FNDC9: variants seen among roughly 807,000 people sequenced by gnomAD.
FNDC9 encodes the protein fibronectin type III domain-containing protein 9.
Under a neutral mutation model 9.0 loss-of-function variants are expected in FNDC9, and 3 were observed. That is an observed-to-expected ratio of 0.33 (90% CI 0.15 to 0.86). The LOEUF is 0.86. Among genes scored for constraint, FNDC9 ranks in the 40% least tolerant of loss-of-function variants. The pLI is 0.53. For missense variants in FNDC9, 279 were observed against 287.2 expected (o/e 0.97, Z 0.21); for synonymous variants, 114 against 115.6 (o/e 0.99, Z 0.09).
intron 1 of FNDC9, chr5:157,345,263 C>T (rs940651837): frequency 6.6e-6 from 1 of 152,306 alleles, no homozygotes; most frequent in Non-Finnish European, 1.5e-5. Context: ...AATCCTGTTT[C>T]TTGTCACGCA....
rs1298227990 is a variant in FNDC9 at position 157,342,304 on chromosome 5, TTAATAA to T, written c.*552_*557del. 11 of 152,690 alleles carry T rather than the reference TTAATAA, an allele frequency of 7.2e-5. No homozygotes were observed. The highest frequency in any genetic ancestry group is 2.7e-4 in the African/African-American group (11 of 41,444). 9.5% of individuals were successfully genotyped at this position (152,690 alleles called of 1,614,324 possible). A position where few individuals can be genotyped will look rare whatever the true frequency, so the allele number is the denominator to read the frequency against. ...TGAGTCAATTTAAAGGAAAGTATTATTAATAATAGTGAAGATAATCCATGGTTTTAA... is the reference window on the plus strand; with the variant it reads ...TGAGTCAATTTAAAGGAAAGTATTATTAGTGAAGATAATCCATGGTTTTAA... On this transcript the variant is annotated 3_prime_UTR_variant, in exon 2 of 2. Transcript: ENST00000312349.
Position 157,342,856 on chromosome 5 carries a change from C to T in FNDC9, c.*6G>A. On this transcript the variant is annotated 3_prime_UTR_variant, in exon 2 of 2. Transcript: ENST00000312349. ...CTACATGATGCGGGCGCTCTCCTCCCCACTCTCATTCCCCACAATGAGGCA... is the reference window on the plus strand; with the variant it reads ...CTACATGATGCGGGCGCTCTCCTCCTCACTCTCATTCCCCACAATGAGGCA... 6.2e-7 allele frequency: 1 copy of T among 1,606,340 alleles called. No homozygotes were observed. The highest frequency in any genetic ancestry group is 8.5e-7 in the Non-Finnish European group (1 of 1,175,604).
At position 157,342,547 on chromosome 5, in the gene FNDC9, C is replaced by T; in HGVS notation, c.*315G>A. ...CCTTCAAGTGCTGTGTTTTATTTGTCATGCAAATTTTTGCTTTCTACTTTA... is the reference window on the plus strand; with the variant it reads ...CCTTCAAGTGCTGTGTTTTATTTGTTATGCAAATTTTTGCTTTCTACTTTA... On this transcript the variant is annotated 3_prime_UTR_variant, in exon 2 of 2. Coordinates refer to ENST00000312349, the MANE Select transcript of FNDC9 (RefSeq NM_001001343.4). 1 of 232,984 alleles carries T rather than the reference C, an allele frequency of 4.3e-6. No individual in the cohort carries two copies. The allele number at this position is 232,984 out of a possible 1,614,324, so 14.4% of individuals were successfully genotyped here. A position where few individuals can be genotyped will look rare whatever the true frequency, so the allele number is the denominator to read the frequency against.
Position 157,342,383 on chromosome 5 carries a change from C to G in FNDC9, c.*479G>C, listed in dbSNP as rs1474804395. On this transcript the variant is annotated 3_prime_UTR_variant, in exon 2 of 2. Coordinates refer to ENST00000312349, the MANE Select transcript of FNDC9 (RefSeq NM_001001343.4). ...GATTGCCTAAAAGTTGGAAAACACT[C>G]CAGAGCAAGGGTTCTCACAAATTAT... 2 of 153,506 alleles carry G rather than the reference C, an allele frequency of 1.3e-5. No homozygotes were observed. The highest frequency in any genetic ancestry group is 2.9e-5 in the Non-Finnish European group (2 of 68,854). 9.5% of individuals were successfully genotyped at this position (153,506 alleles called of 1,614,324 possible). A position where few individuals can be genotyped will look rare whatever the true frequency, so the allele number is the denominator to read the frequency against.
In FNDC9 at chr5:157,343,031, C is replaced by A; in HGVS notation, c.506G>T (p.Gly169Val). Reference protein sequence around the residue: ...VRWPEEAPDLGQREEDLQGLP... With the variant: ...VRWPEEAPDLVQREEDLQGLP... ...CCCCTGCAGGTCTTCCTCCCTCTGACCAAGATCCGGGGCCTCCTCTGGCCA... is the reference window on the plus strand; with the variant it reads ...CCCCTGCAGGTCTTCCTCCCTCTGAACAAGATCCGGGGCCTCCTCTGGCCA... The change falls in exon 2 of 2, where the codon GGT becomes GTT. Residue 169 changes from glycine to valine, a missense_variant. Coordinates refer to ENST00000312349, the MANE Select transcript of FNDC9 (RefSeq NM_001001343.4). 6.2e-7 allele frequency: 1 copy of A among 1,614,224 alleles called. No individual in the cohort carries two copies. Among genetic ancestry groups the A allele is most frequent in the Non-Finnish European group, 8.5e-7 (1 of 1,180,024 alleles).
chr5:157,342,808 C>T lies in FNDC9; in HGVS notation c.*54G>A, dbSNP rs559170564. The T allele has an allele frequency of 2.8e-3, 4,238 of 1,518,874 alleles. 25 individuals carry two copies. Among genetic ancestry groups the T allele is most frequent in the Non-Finnish European group, 2.4e-3 (2,690 of 1,124,404 alleles). The allele number at this position is 1,518,874 out of a possible 1,614,324, so 94.1% of individuals were successfully genotyped here. A position where few individuals can be genotyped will look rare whatever the true frequency, so the allele number is the denominator to read the frequency against. ...TCTATAGACACATTTGTACAAACGA[C>T]CTACTGTGTGGAAAGCTTTAGGCTA... is the stretch of plus-strand genomic sequence containing the variant. On this transcript the variant is annotated 3_prime_UTR_variant, in exon 2 of 2. Coordinates refer to ENST00000312349, the MANE Select transcript of FNDC9 (RefSeq NM_001001343.4).
Position 157,342,862 on chromosome 5 carries a change from T to C in FNDC9, c.675A>G (p.Ter225TrpextTer12), listed in dbSNP as rs1296398378. The C allele has an allele frequency of 6.2e-7, 1 of 1,608,890 alleles. No individual in the cohort carries two copies. The highest frequency in any genetic ancestry group is 8.5e-7 in the Non-Finnish European group (1 of 1,177,008). The change falls in exon 2 of 2, where the codon TGA (stop) becomes TGG (tryptophan). Residue 225 changes from the stop codon to tryptophan, a stop_lost. Transcript: ENST00000312349. The stretch of plus-strand genomic sequence containing the variant: ...GATGCGGGCGCTCTCCTCCCCACTC[T>C]CATTCCCCACAATGAGGCAGTATAG... Reference protein sequence around the residue: ...PPAILPHCGE* With the variant: ...PPAILPHCGEW
chr5:157,343,014 G>A lies in FNDC9; in HGVS notation c.523C>T (p.Leu175=). 6.2e-7 allele frequency: 1 copy of A among 1,614,200 alleles called. No individual in the cohort carries two copies. The highest frequency in any genetic ancestry group is 1.1e-5 in the South Asian group (1 of 91,084). ...APDLGQREED[L]QGLPLVEMPR... The stretch of plus-strand genomic sequence containing the variant: ...ATTTCCACCAGGGGGAGCCCCTGCA[G>A]GTCTTCCTCCCTCTGACCAAGATCC... The change falls in exon 2 of 2, where the codon CTG becomes TTG. Residue 175 remains leucine (L), a synonymous_variant. Transcript: ENST00000312349.
chr5:157,342,435 A>G lies in FNDC9; in HGVS notation c.*427T>C, dbSNP rs1292036456. On this transcript the variant is annotated 3_prime_UTR_variant, in exon 2 of 2. Transcript: ENST00000312349. ...TCCAAATAATCCCAAATTATTTCCA[A>G]ATAATCCCCTCAAGGGCAGAGGAAA... is the stretch of plus-strand genomic sequence containing the variant. 6.4e-6 allele frequency: 1 copy of G among 156,982 alleles called. No individual in the cohort carries two copies. 9.7% of individuals were successfully genotyped at this position (156,982 alleles called of 1,614,324 possible).
rs143712105 is a variant in FNDC9, at chr5:157,344,162, G to A, written c.-7-619C>T. 4.2e-3 allele frequency among the ~76,000 whole-genome samples: 634 copies of A among 152,110 alleles called. 3 individuals are homozygous for A. The highest frequency in any genetic ancestry group is 6.9e-3 in the Non-Finnish European group (467 of 67,986). ...GTTTGTTTGTTTTTTCAAAGCCAGCGGTACCAGGAAATTTATTTTATGGGT... is the reference window on the plus strand; with the variant it reads ...GTTTGTTTGTTTTTTCAAAGCCAGCAGTACCAGGAAATTTATTTTATGGGT... On this transcript the variant is annotated intron_variant, in intron 1 of 1. Transcript: ENST00000312349.
chr5:157,343,140 G>A lies in FNDC9; in HGVS notation c.397C>T (p.Leu133Phe), dbSNP rs1762412242. 6.2e-7 allele frequency: 1 copy of A among 1,614,220 alleles called. No individual in the cohort carries two copies. The highest frequency in any genetic ancestry group is 8.5e-7 in the Non-Finnish European group (1 of 1,180,032). The change falls in exon 2 of 2, where the codon CTC becomes TTC. Residue 133 changes from leucine (L) to phenylalanine (F), a missense_variant. Leu to Phe is a conservative substitution (Grantham distance 22). Transcript: ENST00000312349. ...TGGCAACGGACACACCAGAACTGGA[G>A]GCAGATGAAGGCCAAGACGGCTGTG... ...CFTAVLAFIC[L>F]QFWCVRCHEP...
In FNDC9 at chr5:157,342,961, A is replaced by C. The variant is rs144111305; in HGVS notation, c.576T>G (p.Ala192=). 630 of 1,614,208 alleles carry C rather than the reference A, an allele frequency of 3.9e-4. No homozygotes were observed. The African/African-American group carries it at 7.6e-3, about 19-fold the overall frequency. Residue 192 remains alanine, a synonymous_variant, in exon 2 of 2, where the codon GCT becomes GCG. Transcript: ENST00000312349. ...EMPRKNSRDG[A]ELDPEANQDA... ...CCTGGTTGGCTTCGGGATCCAGTTC[A>C]GCTCCATCTCTGGAGTTCTTGCGTG...
In FNDC9 at chr5:157,342,931, G is replaced by GGCAT. The variant is rs773424810; in HGVS notation, c.602_605dup (p.Pro203CysfsTer3). On this transcript the variant is annotated frameshift_variant, in exon 2 of 2. Coordinates refer to ENST00000312349, the MANE Select transcript of FNDC9 (RefSeq NM_001001343.4). LOFTEE classifies it low-confidence loss of function (END_TRUNC). ...CCCTCTGTAAGGCACCCGCATCAGG[G>GGCAT]GCATCCTGGTTGGCTTCGGGATCCA... is the stretch of plus-strand genomic sequence containing the variant. The GGCAT allele has an allele frequency of 6.2e-6, 10 of 1,614,090 alleles. No individual in the cohort carries two copies. The highest frequency in any genetic ancestry group is 7.6e-6 in the Non-Finnish European group (9 of 1,180,042).
In FNDC9 at chr5:157,343,432, G is replaced by C. The variant is rs553969639; in HGVS notation, c.105C>G (p.Asn35Lys). Residue 35 changes from asparagine to lysine, a missense_variant, in exon 2 of 2, where the codon AAC becomes AAG. Coordinates refer to ENST00000312349, the MANE Select transcript of FNDC9 (RefSeq NM_001001343.4). ...EDYYHIMYRP[N>K]WNSIFSGYLR... ...GATAGCCAGAGAAGATGCTGTTCCAGTTGGGCCTGTACATAATATGGTAAT... is the reference window on the plus strand; with the variant it reads ...GATAGCCAGAGAAGATGCTGTTCCACTTGGGCCTGTACATAATATGGTAAT... 6.2e-7 allele frequency: 1 copy of C among 1,614,062 alleles called. No individual in the cohort carries two copies. The highest frequency in any genetic ancestry group is 8.5e-7 in the Non-Finnish European group (1 of 1,180,042).
chr5:157,343,625 C>T (rs1241832365), intron 1 of FNDC9, 82 bp from the exon 2 acceptor site: 1 of 1,123,498 alleles, frequency 8.9e-7, no homozygotes. Flanking sequence ...ATTTATTGCA[C>T]ATTTGAGACG....
rs1262806863 is a variant in FNDC9 at position 157,343,230 on chromosome 5, C to T, written c.307G>A (p.Gly103Arg). 1.2e-6 allele frequency: 2 copies of T among 1,614,212 alleles called. No homozygotes were observed. Among genetic ancestry groups the T allele is most frequent in the Admixed American group, 1.7e-5 (1 of 60,032 alleles). ...ATCTGGGGGTCTACCAGGGAGCTTC[C>T]AGGAGCCAGCGGACTCTTATCCAGG... ...HTLDKSPLAPGSSLVDPQISL... is the reference protein window; with the variant it reads ...HTLDKSPLAPRSSLVDPQISL... Residue 103 changes from glycine (G) to arginine (R), a missense_variant, in exon 2 of 2, where the codon GGA (glycine) becomes AGA (arginine). Gly to Arg is a moderately radical substitution (Grantham distance 125, BLOSUM62 -2). Coordinates refer to ENST00000312349, the MANE Select transcript of FNDC9 (RefSeq NM_001001343.4).
At position 157,342,157 on chromosome 5, in the gene FNDC9, A is replaced by G. The variant is rs1268726036; in HGVS notation, c.*705T>C. Reference sequence around the variant, plus strand: ...AAGCTAAGTCAGATTATTTAATATTATCTTGTTTTCATGATGTTTATTCTT... The same window carrying G: ...AAGCTAAGTCAGATTATTTAATATTGTCTTGTTTTCATGATGTTTATTCTT... On this transcript the variant is annotated 3_prime_UTR_variant, in exon 2 of 2. Coordinates refer to ENST00000312349, the MANE Select transcript of FNDC9 (RefSeq NM_001001343.4). 1 of 152,632 alleles carries G rather than the reference A, an allele frequency of 6.6e-6. No individual in the cohort carries two copies. Among genetic ancestry groups the G allele is most frequent in the Non-Finnish European group, 1.5e-5 (1 of 68,026 alleles). 9.5% of individuals were successfully genotyped at this position (152,632 alleles called of 1,614,324 possible). A position where few individuals can be genotyped will look rare whatever the true frequency, so the allele number is the denominator to read the frequency against.
chr5:157,344,729 A>C lies in FNDC9; in HGVS notation c.-8+812T>G, dbSNP rs576146814. Among the ~76,000 whole-genome samples, 14 of 152,256 alleles carry C rather than the reference A, an allele frequency of 9.2e-5. No individual in the cohort carries two copies. The South Asian group carries it at 1.2e-3, about 14-fold the overall frequency. On this transcript the variant is annotated intron_variant, in intron 1 of 1. Transcript: ENST00000312349. ...TTGTCTTCCGCCTCTCCTCCCTCACATGAAACCCCGTAGGTTTCATTTTGG... is the reference window on the plus strand; with the variant it reads ...TTGTCTTCCGCCTCTCCTCCCTCACCTGAAACCCCGTAGGTTTCATTTTGG...
chr5:157,344,377 CG>C (rs1393110546), intron 1 of FNDC9, among the ~76,000 whole-genome samples: 1 of 152,160 alleles, frequency 6.6e-6, no homozygotes, highest in African/African-American at 2.4e-5. Flanking sequence ...TCCCATTTTA[CG>C]GATGAGCAAC....
Sources: gnomAD v4.1 joint callset for allele counts (sites outside exome capture counted in the v4.1 genomes callset) on GRCh38, gnomAD v4.1.1 for gene constraint, MANE v1.5 for transcripts, NCBI Gene and HGNC (gene_info 2026-07-23, HGNC 2026-07-21) for gene names.